Variants in CHRNB4 observed in about 807,000 individuals in gnomAD.
The protein encoded by CHRNB4 is neuronal acetylcholine receptor subunit beta-4.
A neutral mutation model predicts 40.4 loss-of-function variants in CHRNB4; 23 were observed. The observed-to-expected ratio is 0.57, with a 90% CI of 0.41 to 0.81. The LOEUF (loss-of-function observed/expected upper bound fraction) is 0.81. CHRNB4 is among the 30% of genes least tolerant of loss of function. The probability of loss-of-function intolerance (pLI) is 0.00; values close to 1 mark genes in which losing one functional copy is unlikely to be tolerated. For missense variants in CHRNB4, 568 were observed against 670.6 expected (o/e 0.85, Z 1.69); for synonymous variants, 285 against 274.4 (o/e 1.04, Z -0.38).
At chr15:78,661,543 C>T, upstream of CHRNB4, 1 of 539,474 alleles carries the variant, frequency 1.9e-6, no homozygotes, top group Non-Finnish European at 3.7e-6. Flanking sequence ...AGGTAGATAT[C>T]CCGGCTCTTG....
chr15:78,635,733 T>C, intron 1 of CHRNB4, 146 bp from the exon 2 acceptor site: 3 of 1,008,188 alleles, frequency 3.0e-6, no homozygotes, highest in Non-Finnish European at 4.5e-6. Context: ...TGTCTCTCCT[T>C]GAGGACTTCA....
chr15:78,657,961 G>A (rs1408295676), intron 2 of CHRNB4, among the ~76,000 whole-genome samples: 1 of 151,918 alleles, frequency 6.6e-6, no homozygotes, highest in African/African-American at 2.4e-5. Context: ...CAGGGAAGAG[G>A]GTGGGGCACT....
intron 2 of CHRNB4, among the ~76,000 whole-genome samples, chr15:78,632,092 C>A (rs924307216): frequency 1.3e-5 from 2 of 152,202 alleles, no homozygotes; most frequent in Admixed American, 6.5e-5. Context: ...TCTTCCCTGA[C>A]CTACATAAAA....
chr15:78,631,053 C>G, intron 4 of CHRNB4, 23 bp downstream of exon 4: 1 of 1,597,922 alleles, frequency 6.3e-7, no homozygotes, highest in Non-Finnish European at 8.6e-7. Flanking sequence ...TGTCACCAGG[C>G]CTCCACCAAC....
chr15:78,640,870 A>C (rs1354403380), intron 1 of CHRNB4, among the ~76,000 whole-genome samples: 1 of 150,924 alleles, frequency 6.6e-6, no homozygotes, highest in African/African-American at 2.4e-5. Context: ...GGCGGCCCCC[A>C]CTCCAAACCT....
chr15:78,637,656 C>T (rs1335181341), intron 1 of CHRNB4, among the ~76,000 whole-genome samples: 2 of 152,186 alleles, frequency 1.3e-5, no homozygotes, highest in African/African-American at 2.4e-5. Flanking sequence ...ATTAGGCAGG[C>T]CTGAGGTGGA....
At chr15:78,632,204 T>TCTCC (rs1762385019) in intron 2 of CHRNB4, among the ~76,000 whole-genome samples, 4 of 84,706 alleles carry the variant, frequency 4.7e-5, no homozygotes, top group African/African-American at 2.6e-4. Context: ...TTTCTTTCTT[T>TCTCC]CTTTCTTTCT....
intron 1 of CHRNB4, chr15:78,658,505 C>T (rs561926042): frequency 6.6e-6 from 1 of 152,158 alleles, no homozygotes; most frequent in Non-Finnish European, 1.5e-5. Flanking sequence ...CAGCAACAAC[C>T]GGGGGACAAA....
intron 5 of CHRNB4, among the ~76,000 whole-genome samples, chr15:78,625,686 A>G (rs1241465141): frequency 4.6e-5 from 7 of 152,242 alleles, no homozygotes; most frequent in Non-Finnish European, 8.8e-5. Flanking sequence ...AGCTGGTTCT[A>G]GCTAAAGAAA....
intron 2 of CHRNB4, among the ~76,000 whole-genome samples, chr15:78,632,725 G>T (rs1567120902): frequency 6.6e-6 from 1 of 152,024 alleles, no homozygotes; most frequent in Non-Finnish European, 1.5e-5. Context: ...GCAGATAGAA[G>T]AGTATGTAAC....
chr15:78,644,743 A>G (rs2054109025), upstream of CHRNB4, among the ~76,000 whole-genome samples: 1 of 152,264 alleles, frequency 6.6e-6, no homozygotes, highest in African/African-American at 2.4e-5. Context: ...ATTAATCTAT[A>G]AATTCAAGCA....
chr15:78,629,982 C>T lies in CHRNB4; in HGVS notation c.360-37G>A. 1 of 1,513,462 alleles carries T rather than the reference C, an allele frequency of 6.6e-7. No individual in the cohort carries two copies. The highest frequency in any genetic ancestry group is 8.8e-7 in the Non-Finnish European group (1 of 1,139,518). The allele number at this position is 1,513,462 out of a possible 1,614,324, so 93.8% of individuals were successfully genotyped here. A position where few individuals can be genotyped will look rare whatever the true frequency, so the allele number is the denominator to read the frequency against. On this transcript the variant is annotated intron_variant, in intron 4 of 5. Coordinates refer to ENST00000261751, the MANE Select transcript of CHRNB4 (RefSeq NM_000750.5). This position sits in a 1 kb window ranked among gnomAD's most constrained non-coding sequence, Gnocchi z 6.8. ...CAGGGCATGGAGAACATCGTGAAAC[C>T]CATACACAAAACCTGGCCTGTTCTC... is the stretch of plus-strand genomic sequence containing the variant.
chr15:78,650,561 G>T (rs944457831), intron 6 of CHRNB4, among the ~76,000 whole-genome samples: 3 of 152,196 alleles, frequency 2.0e-5, no homozygotes, highest in Non-Finnish European at 2.9e-5. Flanking sequence ...CATCAGTGCT[G>T]GTGCCCCTTG....
chr15:78,636,604 G>T (rs11636753), intron 1 of CHRNB4, among the ~76,000 whole-genome samples: 52,067 of 149,836 alleles, frequency 0.35, 9,210 homozygotes, highest in Non-Finnish European at 0.41. Context: ...CTCACTTCCT[G>T]TTTTTTCCTT....
chr15:78,650,207 T>C (rs1321897775), intron 6 of CHRNB4, among the ~76,000 whole-genome samples: 1 of 152,212 alleles, frequency 6.6e-6, no homozygotes, highest in Admixed American at 6.5e-5. Context: ...TGTGCCCTTC[T>C]TACAGTTGCT....
upstream of CHRNB4, among the ~76,000 whole-genome samples, chr15:78,642,268 G>C (rs1171827383): frequency 6.6e-6 from 1 of 152,238 alleles, no homozygotes; most frequent in African/African-American, 2.4e-5. Flanking sequence ...CTTTGGAGAA[G>C]TTAGGATTGA....
At chr15:78,628,019 A>C (rs1333699986) in intron 5 of CHRNB4, 3 of 152,068 alleles carry the variant, frequency 2.0e-5, no homozygotes, top group African/African-American at 7.2e-5. Context: ...TACAAAAATT[A>C]GCCAGGTGTG....
At chr15:78,641,404 G>C (rs959518500), upstream of CHRNB4, among the ~76,000 whole-genome samples, 3 of 152,204 alleles carry the variant, frequency 2.0e-5, no homozygotes, top group Non-Finnish European at 4.4e-5. Flanking sequence ...TTCCCCCAAG[G>C]AAGGCAGGCA....
chr15:78,661,034 G>A (rs75106522), upstream of CHRNB4: 23,010 of 565,872 alleles, frequency 0.041, 609 homozygotes, highest in Admixed American at 0.054. Context: ...GAGGGTAGGC[G>A]CCAGGGTTAG....
Sources: allele counts gnomAD v4.1 joint callset (sites outside exome capture counted in the v4.1 genomes callset), GRCh38; gene constraint gnomAD v4.1.1; non-coding constraint Gnocchi (gnomAD v3.1); transcripts MANE v1.5; gene names NCBI Gene and HGNC (gene_info 2026-07-23, HGNC 2026-07-21).